The following KSR1 variants were observed in gnomAD, a reference collection of about 807,000 sequenced individuals.
The protein encoded by KSR1 is kinase suppressor of ras 1, also known as kinase suppressor of ras.
In KSR1, 35 loss-of-function variants were observed where a neutral mutation model predicts 92.9. The ratio of observed to expected loss-of-function variants is 0.38; its 90% CI spans 0.29 to 0.50. KSR1 has a LOEUF of 0.50. Ranked by LOEUF, KSR1 falls within the 20% of genes least tolerant of loss-of-function variation. The pLI, the probability that KSR1 is intolerant of heterozygous loss-of-function variation, is 0.94. For missense variants in KSR1, 972 were observed against 1,158.5 expected (o/e 0.84, Z 2.34); for synonymous variants, 467 against 472.6 (o/e 0.99, Z 0.15).
chr17:27,603,771 C>A, intron 11 of KSR1, 63 bp from the exon 12 acceptor site: 1 of 1,549,922 alleles, frequency 6.5e-7, no homozygotes, highest in Non-Finnish European at 8.9e-7. Context: ...GTTTCAAGCA[C>A]GGTGTCTCTT....
At chr17:27,586,449 G>A (rs146808382) in intron 5 of KSR1, among the ~76,000 whole-genome samples, 203 of 152,332 alleles carry the variant, frequency 1.3e-3, no homozygotes, top group African/African-American at 4.6e-3. Flanking sequence ...GGGATGAGGA[G>A]GGGTACAGCA....
intron 15 of KSR1, 75 bp downstream of exon 15, chr17:27,608,085 T>TA: frequency 9.3e-7 from 1 of 1,079,320 alleles, no homozygotes; most frequent in Admixed American, 2.0e-5. Flanking sequence ...CTCGCCCTGT[T>TA]ACTCCCTGTT....
intron 1 of KSR1, among the ~76,000 whole-genome samples, chr17:27,482,110 A>G (rs1290940784): frequency 1.3e-5 from 2 of 152,130 alleles, no homozygotes; most frequent in Non-Finnish European, 2.9e-5. Flanking sequence ...AGAAAGAAGA[A>G]CTATTATGAT....
chr17:27,494,642 A>G lies in KSR1; in HGVS notation c.231+37768A>G, dbSNP rs996887222. On this transcript the variant is annotated intron_variant, in intron 1 of 20. Coordinates refer to ENST00000644974, the MANE Select transcript of KSR1 (RefSeq NM_001394583.1). The stretch of plus-strand genomic sequence containing the variant: ...CAAGTACGAACAGGTCTTTCGATTT[A>G]CATTTAAAAGCAGTAGAGAGCAGGA... 2.6e-5 allele frequency among the ~76,000 whole-genome samples: 4 copies of G among 152,370 alleles called. No homozygotes were observed. The East Asian group carries it at 5.8e-4, about 22-fold the overall frequency.
intron 2 of KSR1, among the ~76,000 whole-genome samples, chr17:27,565,616 G>C (rs1598040277): frequency 6.6e-6 from 1 of 152,124 alleles, no homozygotes; most frequent in Non-Finnish European, 1.5e-5. Flanking sequence ...GTAGAGACAG[G>C]CTTTTGCCAT....
chr17:27,484,165 G>A (rs979370603), intron 1 of KSR1, among the ~76,000 whole-genome samples: 1 of 152,186 alleles, frequency 6.6e-6, no homozygotes, highest in Non-Finnish European at 1.5e-5. Flanking sequence ...AGGCTCCAGT[G>A]GGGAGCCGCC....
At chr17:27,508,599 G>A (rs2069480098) in intron 1 of KSR1, among the ~76,000 whole-genome samples, 1 of 152,132 alleles carries the variant, frequency 6.6e-6, no homozygotes, top group Non-Finnish European at 1.5e-5. Flanking sequence ...GAAAACAAAG[G>A]GGACTGGACA....
intron 1 of KSR1, among the ~76,000 whole-genome samples, chr17:27,524,019 T>C (rs1190525904): frequency 2.0e-5 from 3 of 151,564 alleles, no homozygotes; most frequent in Non-Finnish European, 4.4e-5. Context: ...AAAGATGAGA[T>C]AGTGAGTTTG....
At chr17:27,466,775 T>C (rs2019719679) in intron 1 of KSR1, among the ~76,000 whole-genome samples, 1 of 152,246 alleles carries the variant, frequency 6.6e-6, no homozygotes, top group African/African-American at 2.4e-5. Context: ...CTTTCTGGCC[T>C]CTTGGCCAAC....
At chr17:27,603,971 C>A (rs2073660887) in intron 12 of KSR1, 83 bp downstream of exon 12, 1 of 1,368,764 alleles carries the variant, frequency 7.3e-7, no homozygotes, top group Non-Finnish European at 1.0e-6. Context: ...CCTCCCACTC[C>A]ACCTTTCCAT....
intron 1 of KSR1, among the ~76,000 whole-genome samples, chr17:27,542,006 G>A (rs754818189): frequency 2.6e-5 from 4 of 152,216 alleles, no homozygotes; most frequent in Non-Finnish European, 4.4e-5. Flanking sequence ...CATCCCATCA[G>A]AAGTCTGGAA....
intron 2 of KSR1, among the ~76,000 whole-genome samples, chr17:27,561,674 C>A (rs1413774562): frequency 2.0e-5 from 3 of 152,168 alleles, no homozygotes; most frequent in Non-Finnish European, 4.4e-5. Context: ...GAGTTCCTGT[C>A]CTTCTGGAAC....
chr17:27,604,746 G>C lies in KSR1; in HGVS notation c.1614+18G>C. ...AAGCGGAGGTGAGGGTGACACACAC[G>C]TGTCCACAGATGGCCCCCCCTCTTT... On this transcript the variant is annotated intron_variant, in intron 13 of 20. Transcript: ENST00000644974. The C allele has an allele frequency of 6.2e-7, 1 of 1,613,440 alleles. No homozygotes were observed. The highest frequency in any genetic ancestry group is 1.3e-5 in the African/African-American group (1 of 75,066).
intron 16 of KSR1, 51 bp from the exon 17 acceptor site, chr17:27,610,014 CTT>C: frequency 6.2e-7 from 1 of 1,605,868 alleles, no homozygotes; most frequent in Non-Finnish European, 8.5e-7. Flanking sequence ...AGGCAGGCCT[CTT>C]TGCTGCCTGC....
At chr17:27,524,879 AAGCAGGGTTATATTACATT>A (rs2070197302) in intron 1 of KSR1, among the ~76,000 whole-genome samples, 1 of 152,176 alleles carries the variant, frequency 6.6e-6, no homozygotes, top group African/African-American at 2.4e-5. Context: ...TGTGGAGTTC[AAGCAGGGTTATATTACATT>A]ATGCTGTAAG....
chr17:27,618,092 T>G (rs777547912), intron 19 of KSR1, among the ~76,000 whole-genome samples: 27 of 152,072 alleles, frequency 1.8e-4, no homozygotes, highest in Non-Finnish European at 1.5e-5. Context: ...TAGAGTGATG[T>G]GGTATTATAA....
chr17:27,560,293 C>T, intron 2 of KSR1: 1 of 383,750 alleles, frequency 2.6e-6, no homozygotes, highest in South Asian at 2.0e-5. Flanking sequence ...TTAGCAATTT[C>T]CCGGTTGGAA....
At chr17:27,521,334 C>CTT (rs759201177) in intron 1 of KSR1, among the ~76,000 whole-genome samples, 1,625 of 134,914 alleles carry the variant, frequency 0.012, 45 homozygotes, top group African/African-American at 0.042. Flanking sequence ...AAGGCCATTC[C>CTT]TTTTTTTTTT....
intron 1 of KSR1, among the ~76,000 whole-genome samples, chr17:27,535,261 G>A (rs915935178): frequency 6.6e-6 from 1 of 152,192 alleles, no homozygotes; most frequent in African/African-American, 2.4e-5. Context: ...GATCAGATGA[G>A]GTGCTGTCTT....
Sources: gnomAD v4.1 joint callset for allele counts (sites outside exome capture counted in the v4.1 genomes callset) on GRCh38, gnomAD v4.1.1 for gene constraint, MANE v1.5 for transcripts, NCBI Gene and HGNC (gene_info 2026-07-23, HGNC 2026-07-21) for gene names.